The following C12orf42 variants were observed in gnomAD, a reference collection of about 807,000 sequenced individuals.
C12orf42 encodes the protein uncharacterized protein C12orf42.
Under a neutral mutation model 21.6 loss-of-function variants are expected in C12orf42, and 25 were observed. The observed-to-expected ratio is 1.16, with a 90% CI of 0.84 to 1.62. C12orf42 has a LOEUF of 1.62. Ranked by LOEUF, C12orf42 falls within the 40% of genes most tolerant of loss-of-function variation. The probability of loss-of-function intolerance (pLI) is 0.00; values close to 1 mark genes in which losing one functional copy is unlikely to be tolerated. For synonymous variants in C12orf42, 174 were observed against 175.0 expected, an observed-to-expected ratio of 0.99 and a Z score of 0.05; for missense variants, 483 against 459.3, an observed-to-expected ratio of 1.05 and a Z score of -0.47.
chr12:103,146,612 A>AAAGAAAGAAAGAAAGAAAGAAAGAAAG, the C12orf42 span, among the ~76,000 whole-genome samples: 1 of 116,806 alleles, frequency 8.6e-6, no homozygotes, highest in African/African-American at 3.6e-5. Flanking sequence ...AAGAAAGAAA[A>AAAGAAAGAAAGAAAGAAAGAAAGAAAG]AGAAAAGTAA....
At chr12:103,289,557 T>A (rs1198312447) in intron 4 of C12orf42, among the ~76,000 whole-genome samples, 1 of 152,168 alleles carries the variant, frequency 6.6e-6, no homozygotes, top group Non-Finnish European at 1.5e-5. Flanking sequence ...ATTTTTCCTA[T>A]AGTGAAATTT....
intron 10 of C12orf42, among the ~76,000 whole-genome samples, chr12:103,255,057 T>C (rs1045331529): frequency 6.6e-6 from 1 of 152,220 alleles, no homozygotes; most frequent in African/African-American, 2.4e-5. Context: ...AAGCTTTCTG[T>C]TCTCCTACTA....
chr12:103,520,687 C>T, the C12orf42 span, among the ~76,000 whole-genome samples: 1 of 151,478 alleles, frequency 6.6e-6, no homozygotes, highest in Non-Finnish European at 1.5e-5. Context: ...GTCTCAAAAA[C>T]ATAATGAAAA....
chr12:103,050,813 G>C, the C12orf42 span, among the ~76,000 whole-genome samples: 1 of 151,960 alleles, frequency 6.6e-6, no homozygotes, highest in South Asian at 2.1e-4. Context: ...TTGAAGCTTA[G>C]AAGAGCCAGC....
chr12:103,404,835 T>C (rs1316710983), intron 2 of C12orf42, among the ~76,000 whole-genome samples: 1 of 152,252 alleles, frequency 6.6e-6, no homozygotes, highest in Admixed American at 6.5e-5. Flanking sequence ...ACAACAATGA[T>C]GTGAAAACAG....
At chr12:103,226,950 A>G in the C12orf42 span, among the ~76,000 whole-genome samples, 13 of 152,122 alleles carry the variant, frequency 8.5e-5, no homozygotes, top group Non-Finnish European at 2.9e-5. Context: ...TACAACAAGA[A>G]TTATTTAGAT....
At chr12:103,148,720 C>T in the C12orf42 span, among the ~76,000 whole-genome samples, 1 of 152,146 alleles carries the variant, frequency 6.6e-6, no homozygotes, top group Non-Finnish European at 1.5e-5. Context: ...TAATGTAACA[C>T]ATTTAAACAC....
the C12orf42 span, among the ~76,000 whole-genome samples, chr12:103,123,115 G>C: frequency 6.6e-6 from 1 of 152,134 alleles, no homozygotes; most frequent in Non-Finnish European, 1.5e-5. Flanking sequence ...TCCAAGTCAG[G>C]GGAGATTAGT....
chr12:103,294,743 A>G (rs1566026297), intron 4 of C12orf42, among the ~76,000 whole-genome samples: 3 of 152,206 alleles, frequency 2.0e-5, no homozygotes, highest in Admixed American at 1.3e-4. Flanking sequence ...GAGGGACCCC[A>G]TACACCTTAA....
intron 10 of C12orf42, among the ~76,000 whole-genome samples, chr12:103,249,257 C>T (rs1175014108): frequency 2.0e-5 from 3 of 151,990 alleles, no homozygotes; most frequent in Non-Finnish European, 4.4e-5. Flanking sequence ...TCATTTAAAC[C>T]TCACAACAAC....
the C12orf42 span, among the ~76,000 whole-genome samples, chr12:103,203,320 C>CT: frequency 6.6e-6 from 1 of 152,102 alleles, no homozygotes; most frequent in Non-Finnish European, 1.5e-5. Flanking sequence ...GTCATAGTTC[C>CT]TTTAGTGTTT....
At chr12:103,365,175 A>T (rs1158971563) in intron 4 of C12orf42, among the ~76,000 whole-genome samples, 1 of 151,958 alleles carries the variant, frequency 6.6e-6, no homozygotes, top group Non-Finnish European at 1.5e-5. Flanking sequence ...TTAAGATATG[A>T]CAGTCAATAA....
At chr12:103,449,081 T>TGATAGATA (rs56702467) in intron 2 of C12orf42, among the ~76,000 whole-genome samples, 4,318 of 146,568 alleles carry the variant, frequency 0.029, 66 homozygotes, top group Middle Eastern at 0.034. Context: ...AAAGAAAATA[T>TGATAGATA]GATAGATAGA....
chr12:103,188,202 T>C, the C12orf42 span, among the ~76,000 whole-genome samples: 1 of 152,228 alleles, frequency 6.6e-6, no homozygotes, highest in African/African-American at 2.4e-5. Flanking sequence ...CCCAGAGTTT[T>C]GGGAAAAGAT....
At chr12:103,051,137 A>C in the C12orf42 span, among the ~76,000 whole-genome samples, 1 of 152,206 alleles carries the variant, frequency 6.6e-6, no homozygotes, top group Non-Finnish European at 1.5e-5. Flanking sequence ...ATCATAATTT[A>C]AAAAATCCCA....
rs1566025388 is a variant in C12orf42, at chr12:103,294,463, A to T, written n.338-17253T>A. Reference sequence around the variant, plus strand: ...GAAAGAAAGAAAGAAAGAAAGAAAGAAAGAAAGAAATAAGCAAGCAAGCAA... The same window carrying T: ...GAAAGAAAGAAAGAAAGAAAGAAAGTAAGAAAGAAATAAGCAAGCAAGCAA... On this transcript the variant is annotated intron_variant and non_coding_transcript_variant, in intron 4 of 6. Coordinates refer to the C12orf42 transcript ENST00000546526. Among the ~76,000 whole-genome samples the T allele has an allele frequency of 3.0e-3, 397 of 134,194 alleles. 5 individuals carry two copies. Among genetic ancestry groups the T allele is most frequent in the African/African-American group, 9.7e-3 (311 of 32,144 alleles). 88.0% of individuals were successfully genotyped at this position (134,194 alleles called of 152,430 possible).
intron 4 of C12orf42, among the ~76,000 whole-genome samples, chr12:103,317,406 T>A (rs1369660794): frequency 6.6e-6 from 1 of 152,212 alleles, no homozygotes; most frequent in Non-Finnish European, 1.5e-5. Context: ...CTCTTCCCCA[T>A]GACATCATCA....
the C12orf42 span, among the ~76,000 whole-genome samples, chr12:103,509,030 G>T: frequency 6.6e-6 from 1 of 152,138 alleles, no homozygotes; most frequent in Admixed American, 6.6e-5. Context: ...GGCAAACTGA[G>T]GCATAAGGAT....
chr12:103,073,906 G>A, the C12orf42 span, among the ~76,000 whole-genome samples: 1 of 152,028 alleles, frequency 6.6e-6, no homozygotes, highest in Non-Finnish European at 1.5e-5. Context: ...GTCATACGTG[G>A]GGATTGCAGA....
Sources: allele counts gnomAD v4.1 joint callset (sites outside exome capture counted in the v4.1 genomes callset), GRCh38; gene constraint gnomAD v4.1.1; transcripts MANE v1.5; gene names NCBI Gene and HGNC (gene_info 2026-07-23, HGNC 2026-07-21).